ITGA8: variants seen among roughly 807,000 people sequenced by gnomAD.
ITGA8 encodes the protein integrin alpha-8.
ITGA8 carries 91 observed loss-of-function variants against 142.3 expected under a neutral mutation model. The observed-to-expected ratio is 0.64, with a 90% confidence interval of 0.54 to 0.76. The LOEUF (loss-of-function observed/expected upper bound fraction) is 0.76. ITGA8 is among the 30% of genes least tolerant of loss of function. The probability of loss-of-function intolerance (pLI) is 0.00; values close to 1 mark genes in which losing one functional copy is unlikely to be tolerated. For missense variants in ITGA8, 1,406 were observed against 1,327.7 expected (o/e 1.06, Z -0.92); for synonymous variants, 505 against 485.2 (o/e 1.04, Z -0.54).
At chr10:15,652,259 A>G (rs10904607) in intron 11 of ITGA8, among the ~76,000 whole-genome samples, 103,380 of 152,144 alleles carry the variant, frequency 0.68, 36,663 homozygotes, top group South Asian at 0.85. Flanking sequence ...CATGTTTCCA[A>G]GAAGGACGGT....
At chr10:15,708,427 A>T (rs1272552324) in intron 2 of ITGA8, among the ~76,000 whole-genome samples, 1 of 152,126 alleles carries the variant, frequency 6.6e-6, no homozygotes, top group African/African-American at 2.4e-5. Context: ...AGGTTGGGGG[A>T]CTGAGTGTTG....
At chr10:15,703,481 A>C (rs949788816) in intron 2 of ITGA8, among the ~76,000 whole-genome samples, 1 of 152,234 alleles carries the variant, frequency 6.6e-6, no homozygotes, top group African/African-American at 2.4e-5. Flanking sequence ...ATACGATGCA[A>C]ATAATATTTT....
intron 8 of ITGA8, among the ~76,000 whole-genome samples, chr10:15,671,030 C>T (rs1261939358): frequency 3.3e-5 from 5 of 152,150 alleles, no homozygotes; most frequent in Non-Finnish European, 5.9e-5. Context: ...TATCCTAGCA[C>T]TTATCATAAT....
Position 15,671,596 on chromosome 10 carries a change from C to T in ITGA8, c.847+7G>A, listed in dbSNP as rs1834520093. 1 of 1,609,496 alleles carries T rather than the reference C, an allele frequency of 6.2e-7. No homozygotes were observed. The highest frequency in any genetic ancestry group is 8.5e-7 in the Non-Finnish European group (1 of 1,175,966). ...ATAAGTGATTTAAACTCAACAGTGC[C>T]TCTCACCTTGCTGAGAATCCCCAGT... On this transcript the variant is annotated splice_region_variant and intron_variant, in intron 8 of 29. Coordinates refer to ENST00000378076, the MANE Select transcript of ITGA8 (RefSeq NM_003638.3).
intron 1 of ITGA8, among the ~76,000 whole-genome samples, chr10:15,719,354 CAA>C (rs1387589939): frequency 6.6e-6 from 1 of 152,182 alleles, no homozygotes; most frequent in Non-Finnish European, 1.5e-5. Context: ...GTGTTCTATG[CAA>C]GTGGCATGTC....
chr10:15,670,381 A>G (rs961200549), intron 8 of ITGA8, among the ~76,000 whole-genome samples: 6 of 152,228 alleles, frequency 3.9e-5, no homozygotes, highest in Non-Finnish European at 7.3e-5. Flanking sequence ...AAGATGAGCA[A>G]ATAAGAACCA....
chr10:15,642,129 A>G (rs1251098221), intron 13 of ITGA8, among the ~76,000 whole-genome samples: 1 of 151,618 alleles, frequency 6.6e-6, no homozygotes, highest in East Asian at 1.9e-4. Context: ...TCCGTCTCAG[A>G]AAAAAAAAGG....
intron 25 of ITGA8, among the ~76,000 whole-genome samples, chr10:15,561,616 G>A (rs553464514): frequency 6.6e-6 from 1 of 152,136 alleles, no homozygotes; most frequent in Non-Finnish European, 1.5e-5. Context: ...AGAACCCAAG[G>A]AATGTCCAAG....
intron 2 of ITGA8, among the ~76,000 whole-genome samples, chr10:15,701,215 C>G (rs1470243422): frequency 2.0e-5 from 3 of 152,186 alleles, no homozygotes; most frequent in African/African-American, 7.2e-5. Context: ...TGTATTGACA[C>G]TAACCTATGA....
intron 25 of ITGA8, among the ~76,000 whole-genome samples, chr10:15,570,420 TAACATGGTGA>T (rs1037223775): frequency 1.3e-5 from 2 of 151,318 alleles, no homozygotes; most frequent in Admixed American, 6.6e-5. Flanking sequence ...CCAGCCTGGC[TAACATGGTGA>T]AACCCCGTTT....
intron 29 of ITGA8, among the ~76,000 whole-genome samples, chr10:15,518,082 C>T (rs1479613200): frequency 1.3e-5 from 2 of 152,182 alleles, no homozygotes; most frequent in East Asian, 3.9e-4. Context: ...CAGGTAGGCA[C>T]AGAATCTTAG....
intron 13 of ITGA8, among the ~76,000 whole-genome samples, chr10:15,640,346 C>A (rs564002541): frequency 5.9e-5 from 9 of 152,258 alleles, no homozygotes; most frequent in East Asian, 5.8e-4. Flanking sequence ...TGTGTGCCAC[C>A]CAGGGTCATT....
At chr10:15,676,650 C>G (rs1482622035) in intron 6 of ITGA8, among the ~76,000 whole-genome samples, 1 of 152,172 alleles carries the variant, frequency 6.6e-6, no homozygotes, top group Non-Finnish European at 1.5e-5. Flanking sequence ...CTTGGCAGAG[C>G]CTCAACACAT....
intron 4 of ITGA8, among the ~76,000 whole-genome samples, chr10:15,679,503 A>T (rs1186470644): frequency 1.2e-4 from 19 of 152,116 alleles, no homozygotes; most frequent in Non-Finnish European, 2.4e-4. Flanking sequence ...AATCTCTTGA[A>T]CCCAGGAGGC....
chr10:15,588,259 C>T (rs754340449), intron 22 of ITGA8, among the ~76,000 whole-genome samples: 3 of 152,036 alleles, frequency 2.0e-5, no homozygotes, highest in Admixed American at 1.3e-4. Context: ...AAGTCCTGGC[C>T]GATTGTATAT....
rs938411837 is a variant in ITGA8, at chr10:15,515,001, C to T, written c.*2157G>A. 4 of 152,196 alleles carry T rather than the reference C, an allele frequency of 2.6e-5. No individual in the cohort carries two copies. Among genetic ancestry groups the T allele is most frequent in the Admixed American group, 6.5e-5 (1 of 15,280 alleles). 9.4% of individuals were successfully genotyped at this position (152,196 alleles called of 1,614,324 possible). A position where few individuals can be genotyped will look rare whatever the true frequency, so the allele number is the denominator to read the frequency against. ...TAACCCTAAGAGTTCTCAGTTCCTT[C>T]ACCAATGTTGGCTTAAAGACAAGGG... On this transcript the variant is annotated 3_prime_UTR_variant, in exon 30 of 30. Coordinates refer to ENST00000378076, the MANE Select transcript of ITGA8 (RefSeq NM_003638.3).
chr10:15,570,481 A>G (rs1183607646), intron 25 of ITGA8, among the ~76,000 whole-genome samples: 1 of 151,998 alleles, frequency 6.6e-6, no homozygotes, highest in East Asian at 1.9e-4. Flanking sequence ...GTGGTGGTAC[A>G]CGCCTGTAAT....
At position 15,606,320 on chromosome 10, in the gene ITGA8, A is replaced by T. The variant is rs528367266; in HGVS notation, c.1867T>A (p.Leu623Met). Residue 623 changes from leucine (L) to methionine (M), a missense_variant, in exon 18 of 30, where the codon TTG (leucine) becomes ATG (methionine). Transcript: ENST00000378076. Reference protein sequence around the residue: ...FKEGLEVKPILNYYRENIVSE... With the variant: ...FKEGLEVKPIMNYYRENIVSE... ...ACAATGTTTTCTCTGTAGTAGTTCA[A>T]TATTGGTTTCACTTCCAGGCCTTCT... The T allele has an allele frequency of 6.2e-7, 1 of 1,612,282 alleles. No homozygotes were observed. Among genetic ancestry groups the T allele is most frequent in the African/African-American group, 1.3e-5 (1 of 75,022 alleles).
chr10:15,624,314 T>G (rs1179506485), intron 13 of ITGA8, among the ~76,000 whole-genome samples: 1 of 152,216 alleles, frequency 6.6e-6, no homozygotes, highest in Non-Finnish European at 1.5e-5. Context: ...TACTGGCTTC[T>G]AAATGACATT....
Sources: gnomAD v4.1 joint callset for allele counts (sites outside exome capture counted in the v4.1 genomes callset) on GRCh38, gnomAD v4.1.1 for gene constraint, MANE v1.5 for transcripts, NCBI Gene and HGNC (gene_info 2026-07-23, HGNC 2026-07-21) for gene names.